Variants in PTPDC1 observed in about 807,000 individuals in gnomAD.
The protein encoded by PTPDC1 is protein tyrosine phosphatase domain containing 1, also known as protein tyrosine phosphatase domain-containing protein 1.
PTPDC1 carries 53 observed loss-of-function variants against 75.3 expected under a neutral mutation model. That is an observed-to-expected ratio of 0.70 (90% CI 0.56 to 0.88). The LOEUF is 0.88. Among genes scored for constraint, PTPDC1 ranks in the 40% least tolerant of loss-of-function variants. PTPDC1 has a pLI of 0.00. For synonymous variants in PTPDC1, 349 were observed against 366.2 expected, an observed-to-expected ratio of 0.95 and a Z score of 0.54; for missense variants, 925 against 998.6, an observed-to-expected ratio of 0.93 and a Z score of 0.99.
Position 94,098,005 on chromosome 9 carries a change from A to G in PTPDC1, c.1439A>G (p.Gln480Arg), listed in dbSNP as rs140525632. Reference protein sequence around the residue: ...AQILVGHKPRQQKLISHCYIP... With the variant: ...AQILVGHKPRRQKLISHCYIP... ...ATCTTGGTTGGCCACAAGCCCAGGC[A>G]GCAGAAGCTCATAAGCCATTGTTAC... Residue 480 changes from glutamine (Q) to arginine (R), a missense_variant, in exon 6 of 9, where the codon CAG becomes CGG. Physicochemically the swap from Gln to Arg is conservative, Grantham distance 43. Coordinates refer to ENST00000620992, the MANE Select transcript of PTPDC1 (RefSeq NM_001253829.2). The G allele has an allele frequency of 1.1e-4, 180 of 1,614,200 alleles. No individual in the cohort carries two copies. The East Asian group carries it at 2.7e-3, about 24-fold the overall frequency.
intron 1 of PTPDC1, chr9:94,038,265 C>CA: frequency 3.4e-6 from 3 of 878,754 alleles, no homozygotes; most frequent in Non-Finnish European, 5.6e-6. Flanking sequence ...ATCCCTGGAA[C>CA]AAAAATGATC....
intron 1 of PTPDC1, among the ~76,000 whole-genome samples, chr9:94,031,519 C>T (rs538263063): frequency 1.5e-4 from 23 of 152,108 alleles, no homozygotes; most frequent in African/African-American, 5.3e-4. Context: ...TTCTAGTCTG[C>T]CAGTTTGTGA....
intron 8 of PTPDC1, among the ~76,000 whole-genome samples, chr9:94,106,493 C>A (rs1828028419): frequency 6.6e-6 from 1 of 152,224 alleles, no homozygotes; most frequent in African/African-American, 2.4e-5. Flanking sequence ...CACCTAGGCC[C>A]TTCTGCATTG....
chr9:94,054,377 T>C (rs1189388082), intron 1 of PTPDC1, among the ~76,000 whole-genome samples: 2 of 152,170 alleles, frequency 1.3e-5, no homozygotes, highest in Non-Finnish European at 2.9e-5. Flanking sequence ...TCTCAAGTCA[T>C]CTTTACAATG....
chr9:94,103,352 A>C (rs1827911025), intron 7 of PTPDC1, among the ~76,000 whole-genome samples: 1 of 152,236 alleles, frequency 6.6e-6, no homozygotes, highest in Non-Finnish European at 1.5e-5. Context: ...TTAGAGGTAG[A>C]GGCCCATTTC....
rs758345157 is a variant in PTPDC1, at chr9:94,095,457, A to C, written c.754+3A>C. 31 of 1,601,826 alleles carry C rather than the reference A, an allele frequency of 1.9e-5. 1 individual carries two copies. The South Asian group carries it at 3.4e-4, about 18-fold the overall frequency. On this transcript the variant is annotated splice_donor_region_variant and intron_variant, in intron 5 of 8. Coordinates refer to ENST00000620992, the MANE Select transcript of PTPDC1 (RefSeq NM_001253829.2). The stretch of plus-strand genomic sequence containing the variant: ...TCATGCAGGGCTTGGTCGAACAGGT[A>C]GGTCCTAAGAGGTGGTTTATTGCCT...
chr9:94,046,478 C>T (rs1261246310), intron 1 of PTPDC1, among the ~76,000 whole-genome samples: 3 of 152,168 alleles, frequency 2.0e-5, no homozygotes. Flanking sequence ...TACCTATGAG[C>T]ATGGAATGTT....
intron 1 of PTPDC1, among the ~76,000 whole-genome samples, chr9:94,060,504 C>G (rs1259807279): frequency 6.6e-6 from 1 of 152,300 alleles, no homozygotes; most frequent in East Asian, 1.9e-4. Context: ...TTAGTCTGTT[C>G]TCCCGTTGCT....
intron 2 of PTPDC1, among the ~76,000 whole-genome samples, chr9:94,066,283 C>G (rs1371001201): frequency 6.6e-6 from 1 of 152,114 alleles, no homozygotes; most frequent in Non-Finnish European, 1.5e-5. Flanking sequence ...ATAAATGCAG[C>G]TAATTTTTAA....
At chr9:94,033,739 A>G (rs1389113000) in intron 1 of PTPDC1, among the ~76,000 whole-genome samples, 1 of 152,204 alleles carries the variant, frequency 6.6e-6, no homozygotes, top group Non-Finnish European at 1.5e-5. Flanking sequence ...CTGCTGTAAT[A>G]TTTAAGATCA....
At chr9:94,043,531 T>G (rs960473718) in intron 1 of PTPDC1, among the ~76,000 whole-genome samples, 1 of 152,092 alleles carries the variant, frequency 6.6e-6, no homozygotes, top group African/African-American at 2.4e-5. Flanking sequence ...ACACCTAAAT[T>G]TCTGAAAATG....
In PTPDC1 at chr9:94,107,760, T is replaced by C. The variant is rs1828073074; in HGVS notation, c.2311-68T>C. The stretch of plus-strand genomic sequence containing the variant: ...CTGTTTTTTTTCTCCACCCCCTCCT[T>C]CTCTCAAAATAGAAACTAGTTCAAA... On this transcript the variant is annotated intron_variant, in intron 8 of 8. Coordinates refer to ENST00000620992, the MANE Select transcript of PTPDC1 (RefSeq NM_001253829.2). 1.8e-5 allele frequency: 14 copies of C among 794,022 alleles called. No homozygotes were observed. The East Asian group carries it at 3.9e-4, about 22-fold the overall frequency. 49.2% of individuals were successfully genotyped at this position (794,022 alleles called of 1,614,324 possible). A position where few individuals can be genotyped will look rare whatever the true frequency, so the allele number is the denominator to read the frequency against.
chr9:94,046,580 C>T lies in PTPDC1; in HGVS notation c.-7+15453C>T, dbSNP rs544756407. ...CTTCACGTCCCTTGTAAGTTGGATT[C>T]CTAGGTATTTTATTCTCTTTGAAGC... On this transcript the variant is annotated intron_variant, in intron 1 of 9. Coordinates refer to the PTPDC1 transcript ENST00000375360. Among the ~76,000 whole-genome samples, 135 of 152,218 alleles carry T rather than the reference C, an allele frequency of 8.9e-4. 1 individual carries two copies. The highest frequency in any genetic ancestry group is 3.1e-3 in the African/African-American group (128 of 41,512).
chr9:94,040,885 T>A (rs907150712), intron 1 of PTPDC1, among the ~76,000 whole-genome samples: 1 of 152,226 alleles, frequency 6.6e-6, no homozygotes, highest in African/African-American at 2.4e-5. Context: ...TAGTATTCAC[T>A]GTCATCATTG....
At position 94,088,789 on chromosome 9, in the gene PTPDC1, G is replaced by A. The variant is rs116991756; in HGVS notation, c.616+526G>A. On this transcript the variant is annotated intron_variant, in intron 4 of 8. Coordinates refer to ENST00000620992, the MANE Select transcript of PTPDC1 (RefSeq NM_001253829.2). ...TTGGGATGAAATACACTCAACATGT[G>A]TCCTTCAAACCAGGCTGGAAAGGAT... 5.6e-3 allele frequency among the ~76,000 whole-genome samples: 854 copies of A among 152,204 alleles called. 6 individuals are homozygous for A. The highest frequency in any genetic ancestry group is 9.4e-3 in the Non-Finnish European group (642 of 68,008).
chr9:94,079,120 C>T (rs1826792704), intron 2 of PTPDC1, among the ~76,000 whole-genome samples: 1 of 152,140 alleles, frequency 6.6e-6, no homozygotes, highest in Non-Finnish European at 1.5e-5. Flanking sequence ...ATACTCTTCC[C>T]TCCCCGGACT....
chr9:94,061,157 A>G (rs1056286687), intron 1 of PTPDC1, among the ~76,000 whole-genome samples: 6 of 152,336 alleles, frequency 3.9e-5, no homozygotes, highest in African/African-American at 1.4e-4. Context: ...AGCCAAAAGA[A>G]AGGGGCTACA....
intron 4 of PTPDC1, among the ~76,000 whole-genome samples, chr9:94,094,421 G>T (rs933837192): frequency 5.9e-5 from 9 of 152,128 alleles, no homozygotes; most frequent in South Asian, 2.1e-4. Context: ...ACTTGAGGAG[G>T]CAGTCTGCCC....
upstream of PTPDC1, among the ~76,000 whole-genome samples, chr9:94,079,783 G>A (rs1310734266): frequency 6.6e-6 from 1 of 152,168 alleles, no homozygotes; most frequent in African/African-American, 2.4e-5. Context: ...CTTGAGGCGG[G>A]GACAACAGCC....
Sources: gnomAD v4.1 joint callset for allele counts (sites outside exome capture counted in the v4.1 genomes callset) on GRCh38, gnomAD v4.1.1 for gene constraint, MANE v1.5 for transcripts, NCBI Gene and HGNC (gene_info 2026-07-23, HGNC 2026-07-21) for gene names.